Variants in SETD3 observed in about 807,000 individuals in gnomAD.
SETD3 encodes SET domain containing 3, actin N3(tau)-histidine methyltransferase, also known as actin-histidine N-methyltransferase.
SETD3 carries 19 observed loss-of-function variants against 63.0 expected under a neutral mutation model. That is an observed-to-expected ratio of 0.30 (90% CI 0.21 to 0.44). The LOEUF is 0.44. Among genes scored for constraint, SETD3 ranks in the 20% least tolerant of loss-of-function variants. SETD3 has a pLI of 1.00. For synonymous variants in SETD3, 286 were observed against 264.1 expected (o/e 1.08, Z -0.80); for missense variants, 587 against 728.5 (o/e 0.81, Z 2.24).
chr14:99,436,674 C>T lies in SETD3; in HGVS notation c.675+21605G>A, dbSNP rs536570523. Among the ~76,000 whole-genome samples, 70 of 152,278 alleles carry T rather than the reference C, an allele frequency of 4.6e-4. 1 individual carries two copies. In the South Asian group the frequency reaches 5.4e-3, roughly 12 times the overall value. ...TTCTTATGGTGCTTTTAATTCTTCT[C>T]GGCAGCCTCTCCAGGAAGGAAGTAC... On this transcript the variant is annotated intron_variant, in intron 6 of 12. Coordinates refer to ENST00000331768, the MANE Select transcript of SETD3 (RefSeq NM_032233.3).
At chr14:99,474,039 G>C (rs1158107391) in intron 1 of SETD3, among the ~76,000 whole-genome samples, 1 of 152,174 alleles carries the variant, frequency 6.6e-6, no homozygotes, top group African/African-American at 2.4e-5. Context: ...AGAGGAACTG[G>C]GCCAGGGGCA....
intron 8 of SETD3, chr14:99,410,148 C>T (rs201329523): frequency 2.6e-5 from 41 of 1,580,686 alleles, no homozygotes; most frequent in Non-Finnish European, 3.3e-5. Context: ...GAGTGAGTCC[C>T]GTAAGTGCCT....
At chr14:99,463,966 A>T (rs1895222496) in intron 2 of SETD3, among the ~76,000 whole-genome samples, 1 of 152,250 alleles carries the variant, frequency 6.6e-6, no homozygotes, top group African/African-American at 2.4e-5. Flanking sequence ...AAAGAAGTTA[A>T]TAGTAAAAGT....
intron 6 of SETD3, among the ~76,000 whole-genome samples, chr14:99,453,590 C>T (rs918640530): frequency 1.1e-4 from 17 of 151,960 alleles, no homozygotes; most frequent in African/African-American, 3.9e-4. Flanking sequence ...TTTGGGAGGC[C>T]GAGGTGGGTG....
chr14:99,399,621 G>GT (rs1891271772), intron 12 of SETD3, among the ~76,000 whole-genome samples: 2 of 151,846 alleles, frequency 1.3e-5, no homozygotes, highest in South Asian at 4.1e-4. Context: ...TCTTAAAAAT[G>GT]TATCTTCTAA....
chr14:99,461,430 T>A, intron 3 of SETD3, 90 bp from the exon 4 acceptor site: 1 of 1,315,864 alleles, frequency 7.6e-7, no homozygotes, highest in Non-Finnish European at 1.1e-6. Context: ...AGGCCATAAC[T>A]AACACTGGAA....
chr14:99,413,109 G>A (rs765929172), intron 7 of SETD3, 44 bp from the exon 8 acceptor site: 10 of 1,138,358 alleles, frequency 8.8e-6, no homozygotes, highest in Non-Finnish European at 1.3e-5. Context: ...ACATTTAAAA[G>A]CCAATTGCAG....
chr14:99,474,242 T>G (rs1895852668), intron 1 of SETD3, among the ~76,000 whole-genome samples: 1 of 152,144 alleles, frequency 6.6e-6, no homozygotes, highest in South Asian at 2.1e-4. Flanking sequence ...GGAGAAATGT[T>G]TAAACCCAGG....
intron 11 of SETD3, among the ~76,000 whole-genome samples, chr14:99,402,977 A>C (rs948714915): frequency 6.6e-6 from 1 of 152,216 alleles, no homozygotes; most frequent in African/African-American, 2.4e-5. Context: ...AAAAGCTCAC[A>C]GTTAACCCCT....
At chr14:99,458,598 A>G in intron 5 of SETD3, 63 bp from the exon 6 acceptor site, 1 of 1,552,294 alleles carries the variant, frequency 6.4e-7, no homozygotes, top group Non-Finnish European at 8.7e-7. Context: ...TCATTTAAAT[A>G]TACGTTTACA....
intron 10 of SETD3, 30 bp from the exon 11 acceptor site, chr14:99,404,340 C>G: frequency 1.9e-6 from 3 of 1,604,000 alleles, no homozygotes; most frequent in Non-Finnish European, 2.6e-6. Flanking sequence ...AGATCAGTCA[C>G]CCTGCTGCGG....
At chr14:99,486,251 T>A in the SETD3 span, among the ~76,000 whole-genome samples, 178 of 152,356 alleles carry the variant, frequency 1.2e-3, no homozygotes, top group Middle Eastern at 3.4e-3. Flanking sequence ...TCCCTACTTC[T>A]TGGACCAGTC....
intron 8 of SETD3, chr14:99,412,004 A>T (rs991373512): frequency 6.6e-6 from 1 of 152,228 alleles, no homozygotes; most frequent in Non-Finnish European, 1.5e-5. Context: ...CAGGGAATTC[A>T]ATGTGAAATA....
intron 6 of SETD3, among the ~76,000 whole-genome samples, chr14:99,424,355 G>T (rs1016538859): frequency 4.6e-5 from 7 of 152,190 alleles, no homozygotes; most frequent in Non-Finnish European, 1.0e-4. Flanking sequence ...AAGCAGGAAC[G>T]TGGGGAGGAT....
At chr14:99,478,779 G>C (rs1401124382) in intron 1 of SETD3, 1 of 152,204 alleles carries the variant, frequency 6.6e-6, no homozygotes, top group Non-Finnish European at 1.5e-5. Context: ...CTCCAGGCAG[G>C]AGAGTACTGT....
intron 1 of SETD3, among the ~76,000 whole-genome samples, chr14:99,468,173 AAG>A (rs1491053658): frequency 2.6e-5 from 4 of 151,134 alleles, no homozygotes; most frequent in Non-Finnish European, 5.9e-5. Context: ...AAAAAAAAAA[AAG>A]TACATGGCAG....
chr14:99,461,715 C>T (rs1197831809), intron 3 of SETD3, among the ~76,000 whole-genome samples: 1 of 152,162 alleles, frequency 6.6e-6, no homozygotes, highest in Non-Finnish European at 1.5e-5. Flanking sequence ...TTCACATTTG[C>T]TTTAACAAAA....
intron 6 of SETD3, among the ~76,000 whole-genome samples, chr14:99,421,150 C>T (rs1033087489): frequency 7.3e-6 from 1 of 136,328 alleles, no homozygotes; most frequent in Non-Finnish European, 1.5e-5. Context: ...AAAAAGTCAA[C>T]TCCACCAATC....
chr14:99,458,971 A>T, intron 5 of SETD3, 142 bp downstream of exon 5: 1 of 566,320 alleles, frequency 1.8e-6, no homozygotes, highest in Non-Finnish European at 3.1e-6. Flanking sequence ...TTATAACATT[A>T]AATGAAAAAC....
Sources: allele counts gnomAD v4.1 joint callset (sites outside exome capture counted in the v4.1 genomes callset), GRCh38; gene constraint gnomAD v4.1.1; transcripts MANE v1.5; gene names NCBI Gene and HGNC (gene_info 2026-07-23, HGNC 2026-07-21).